Variants in DOCK11 observed in about 807,000 individuals in gnomAD.
DOCK11 encodes the protein dedicator of cytokinesis protein 11.
Under a neutral mutation model 169.1 loss-of-function variants are expected in DOCK11, and 70 were observed. The ratio of observed to expected loss-of-function variants is 0.41; its 90% CI spans 0.34 to 0.51. DOCK11 has a LOEUF of 0.51. Among genes scored for constraint, DOCK11 ranks in the 20% least tolerant of loss-of-function variants. The pLI is 0.10. For missense variants in DOCK11, 1,166 were observed against 1,538.8 expected (o/e 0.76, Z 4.05); for synonymous variants, 529 against 541.3 (o/e 0.98, Z 0.32).
chrX:118,648,208 T>G (rs182553410), intron 40 of DOCK11, among the ~76,000 whole-genome samples: 16 of 56,441 alleles, frequency 2.8e-4, no homozygotes, highest in Non-Finnish European at 4.0e-4. Context: ...TATATAATAT[T>G]ATAATATTAT....
rs1037761799 is a variant in DOCK11, at chrX:118,672,678, G to C, written c.5199+1533G>C. Among the ~76,000 whole-genome samples, 10 of 112,559 alleles carry C rather than the reference G, an allele frequency of 8.9e-5. 1 individual carries two copies. The highest frequency in any genetic ancestry group is 4.7e-3 in the Middle Eastern group (1 of 215). On this transcript the variant is annotated intron_variant, in intron 46 of 52. Transcript: ENST00000276202. The stretch of plus-strand genomic sequence containing the variant: ...TCTCGATCTCCTGACCTTGTGATGC[G>C]CCCGCCTTGGCCTCCCAAAGTGCTG...
At chrX:118,525,796 A>G (rs1172353515) in intron 1 of DOCK11, among the ~76,000 whole-genome samples, 3 of 105,327 alleles carry the variant, frequency 2.8e-5, no homozygotes, top group Middle Eastern at 4.8e-3. Flanking sequence ...TGTTTGTGCT[A>G]GAAAACTCTG....
rs1351534584 is a variant in DOCK11 at position 118,654,604 on chromosome X, A to C, written c.4698A>C (p.Ala1566=). Residue 1566 remains alanine, a splice_region_variant and synonymous_variant, in exon 43 of 53, where the codon GCA becomes GCC. Coordinates refer to ENST00000276202, the MANE Select transcript of DOCK11 (RefSeq NM_144658.4). ...TTTTTTGTTTGTTTTGAAATTAGGC[A>C]ACTGCCTTTCCCGCAGAAGTCAAAG... ...NFANSDRPMK[A]TAFPAEVKDL... 3 of 1,210,201 alleles carry C rather than the reference A, an allele frequency of 2.5e-6. No individual in the cohort carries two copies. The South Asian group carries it at 5.3e-5, about 21-fold the overall frequency.
chrX:118,648,860 AG>A, intron 40 of DOCK11, 84 bp from the exon 41 acceptor site: 1 of 840,398 alleles, frequency 1.2e-6, no homozygotes, highest in South Asian at 3.0e-5. Flanking sequence ...GCATAGTTTT[AG>A]GTGAGGATAT....
Position 118,671,134 on chromosome X carries a change from C to T in DOCK11, c.5188C>T (p.Arg1730Cys), listed in dbSNP as rs764343924. ...GATCGTTCCAATTTATGAGAAACGT[C>T]GTGAGTTTGAGGTAGGCAATTTGAA... ...KLIVPIYEKR[R>C]EFEKLTQVYR... The change falls in exon 46 of 53, where the codon CGT becomes TGT. Residue 1730 changes from arginine to cysteine, a missense_variant. By Grantham distance (180) the Arg-to-Cys change is radical. Coordinates refer to ENST00000276202, the MANE Select transcript of DOCK11 (RefSeq NM_144658.4). 21 of 1,202,267 alleles carry T rather than the reference C, an allele frequency of 1.7e-5. No homozygotes were observed. The South Asian group carries it at 3.1e-4, about 18-fold the overall frequency.
intron 31 of DOCK11, 47 bp downstream of exon 31, chrX:118,618,775 C>T: frequency 1.0e-6 from 1 of 987,509 alleles, no homozygotes; most frequent in Admixed American, 3.4e-5. Context: ...TAGAGTTCTA[C>T]TATGATTTTT....
chrX:118,564,816 G>C (rs907751687), intron 7 of DOCK11, among the ~76,000 whole-genome samples: 2 of 108,034 alleles, frequency 1.9e-5, no homozygotes, highest in Admixed American at 1.0e-4. Context: ...GAGTGCAGTG[G>C]CATGATCATA....
chrX:118,676,533 T>C, intron 47 of DOCK11, 58 bp from the exon 48 acceptor site: 2 of 709,199 alleles, frequency 2.8e-6, no homozygotes, highest in Non-Finnish European at 3.8e-6. Context: ...AGATTTTCTT[T>C]AAATGTTGTG....
intron 7 of DOCK11, among the ~76,000 whole-genome samples, chrX:118,565,438 T>C (rs750072651): frequency 1.8e-5 from 2 of 112,097 alleles, no homozygotes; most frequent in African/African-American, 6.5e-5. Context: ...TACAATAAAT[T>C]ATTGTTAACT....
intron 28 of DOCK11, among the ~76,000 whole-genome samples, chrX:118,613,438 G>T (rs903441410): frequency 8.9e-6 from 1 of 112,075 alleles, no homozygotes; most frequent in East Asian, 2.8e-4. Flanking sequence ...GGATATAAAG[G>T]AAAAGATCAT....
chrX:118,684,420 G>A (rs896206538), intron 52 of DOCK11, among the ~76,000 whole-genome samples: 42 of 108,013 alleles, frequency 3.9e-4, no homozygotes, highest in South Asian at 8.1e-4. Flanking sequence ...CTACAGGCAC[G>A]TGCCACCACG....
intron 1 of DOCK11, among the ~76,000 whole-genome samples, chrX:118,534,937 A>T (rs1424863565): frequency 1.8e-5 from 2 of 111,508 alleles, no homozygotes; most frequent in East Asian, 5.6e-4. Flanking sequence ...CAAGTAAAAG[A>T]CCTAAGGTGC....
At chrX:118,648,172 TATA>T (rs1464253016) in intron 40 of DOCK11, among the ~76,000 whole-genome samples, 11 of 64,726 alleles carry the variant, frequency 1.7e-4, no homozygotes, top group African/African-American at 3.9e-4. Context: ...TAATATATAA[TATA>T]ATAGTAATAT....
chrX:118,549,755 T>C (rs1357654188), intron 6 of DOCK11, among the ~76,000 whole-genome samples: 1 of 110,150 alleles, frequency 9.1e-6, no homozygotes, highest in Non-Finnish European at 1.9e-5. Flanking sequence ...TTGATAGAGA[T>C]GGGGTCTCCC....
intron 6 of DOCK11, among the ~76,000 whole-genome samples, chrX:118,556,617 C>T (rs1209874346): frequency 4.6e-5 from 5 of 108,298 alleles, no homozygotes; most frequent in Admixed American, 1.0e-4. Context: ...ATTAGCCAGG[C>T]GTGGTGGCAT....
intron 12 of DOCK11, among the ~76,000 whole-genome samples, chrX:118,576,577 G>C (rs1206277532): frequency 8.9e-6 from 1 of 112,029 alleles, no homozygotes; most frequent in Non-Finnish European, 1.9e-5. Context: ...CAAGGGCTGT[G>C]GGGAGGCACA....
intron 38 of DOCK11, 98 bp downstream of exon 38, chrX:118,639,675 C>T: frequency 1.1e-6 from 1 of 891,322 alleles, no homozygotes; most frequent in African/African-American, 2.0e-5. Context: ...ATACCTTGAT[C>T]ATTACACATT....
chrX:118,531,405 A>C (rs2011552274), intron 1 of DOCK11, among the ~76,000 whole-genome samples: 1 of 64,999 alleles, frequency 1.5e-5, no homozygotes, highest in African/African-American at 6.3e-5. Flanking sequence ...GCAGTGAGCC[A>C]TATACTCAAA....
At chrX:118,512,698 C>T (rs1299639261) in intron 1 of DOCK11, among the ~76,000 whole-genome samples, 3 of 111,693 alleles carry the variant, frequency 2.7e-5, no homozygotes, top group Non-Finnish European at 5.7e-5. Context: ...TGTTGGGAGC[C>T]CAGGGTAGAG....
Sources: gnomAD v4.1 joint callset for allele counts (sites outside exome capture counted in the v4.1 genomes callset) on GRCh38, gnomAD v4.1.1 for gene constraint, MANE v1.5 for transcripts, NCBI Gene and HGNC (gene_info 2026-07-23, HGNC 2026-07-21) for gene names.